The following SRPK1 variants were observed in gnomAD, a reference collection of about 807,000 sequenced individuals.
The protein encoded by SRPK1 is SFRS protein kinase 1.
A neutral mutation model predicts 89.5 loss-of-function variants in SRPK1; 52 were observed. The ratio of observed to expected loss-of-function variants is 0.58; its 90% CI spans 0.46 to 0.73. The LOEUF is 0.73. SRPK1 is among the 30% of genes least tolerant of loss of function. SRPK1 has a pLI of 0.00. For synonymous variants in SRPK1, 255 were observed against 270.2 expected (o/e 0.94, Z 0.55); for missense variants, 603 against 780.6 (o/e 0.77, Z 2.71).
chr6:35,902,931 C>T (rs1346687135), intron 2 of SRPK1, among the ~76,000 whole-genome samples: 1 of 152,108 alleles, frequency 6.6e-6, no homozygotes, highest in Non-Finnish European at 1.5e-5. Context: ...GATCAAATTG[C>T]TAAGTGGAGG....
intron 12 of SRPK1, among the ~76,000 whole-genome samples, chr6:35,863,640 G>T (rs1427089351): frequency 1.3e-5 from 2 of 149,866 alleles, no homozygotes; most frequent in African/African-American, 2.4e-5. Context: ...GAGGTGGAGG[G>T]GGAGGGGAGA....
chr6:35,837,198 C>T (rs77753981), intron 15 of SRPK1, among the ~76,000 whole-genome samples: 1 of 152,054 alleles, frequency 6.6e-6, no homozygotes, highest in East Asian at 1.9e-4. Flanking sequence ...ATACATAAAA[C>T]TAAAAAGTGT....
At chr6:35,920,913 C>G in intron 1 of SRPK1, 131 bp downstream of exon 1, 2 of 1,005,026 alleles carry the variant, frequency 2.0e-6, no homozygotes, top group Non-Finnish European at 2.8e-6. Context: ...TGTGGGGCGG[C>G]GCCACCTCAG....
At chr6:35,909,406 G>T (rs1770915473) in intron 2 of SRPK1, among the ~76,000 whole-genome samples, 1 of 152,202 alleles carries the variant, frequency 6.6e-6, no homozygotes, top group Non-Finnish European at 1.5e-5. Context: ...TATCCCCATT[G>T]TATCTTGGAA....
chr6:35,905,863 C>T (rs538820505), intron 2 of SRPK1, among the ~76,000 whole-genome samples: 2 of 152,224 alleles, frequency 1.3e-5, no homozygotes, highest in Non-Finnish European at 2.9e-5. Flanking sequence ...TTAAGTATAA[C>T]ATGAACTCAT....
intron 6 of SRPK1, among the ~76,000 whole-genome samples, chr6:35,880,746 A>AAAAAAAAAAAAAAGAAAG (rs1770263877): frequency 4.5e-5 from 4 of 89,202 alleles, no homozygotes; most frequent in South Asian, 4.7e-4. Flanking sequence ...AAAAAAAAAA[A>AAAAAAAAAAAAAAGAAAG]AAAAGAAAAG....
intron 12 of SRPK1, among the ~76,000 whole-genome samples, 168 bp from the exon 13 acceptor site, chr6:35,857,536 C>G (rs1035368396): frequency 2.0e-5 from 3 of 152,222 alleles, no homozygotes; most frequent in African/African-American, 7.2e-5. Flanking sequence ...TCCAACAATC[C>G]TTTGCCTTAC....
chr6:35,888,710 G>A (rs914447520), intron 4 of SRPK1, 105 bp downstream of exon 4: 5 of 740,026 alleles, frequency 6.8e-6, no homozygotes, highest in Non-Finnish European at 4.6e-6. Flanking sequence ...TCTGATAAAT[G>A]AATCAGGCTA....
intron 6 of SRPK1, among the ~76,000 whole-genome samples, chr6:35,877,882 A>G (rs1398974526): frequency 6.6e-6 from 1 of 152,164 alleles, no homozygotes; most frequent in African/African-American, 2.4e-5. Context: ...TTCCAGAGAC[A>G]AAAAGTGCAA....
chr6:35,870,619 T>G (rs1770013464), intron 9 of SRPK1, 125 bp from the exon 10 acceptor site: 1 of 879,810 alleles, frequency 1.1e-6, no homozygotes, highest in Admixed American at 2.9e-5. Context: ...ACATAGCACT[T>G]AAGTCTTTCA....
At chr6:35,840,736 C>G (rs1462876445) in intron 14 of SRPK1, among the ~76,000 whole-genome samples, 1 of 152,160 alleles carries the variant, frequency 6.6e-6, no homozygotes, top group Admixed American at 6.5e-5. Flanking sequence ...TACCACGACT[C>G]GTAACAAACT....
chr6:35,888,016 A>C lies in SRPK1; in HGVS notation c.390+8T>G. 6.3e-7 allele frequency: 1 copy of C among 1,588,736 alleles called. No homozygotes were observed. Among genetic ancestry groups the C allele is most frequent in the Non-Finnish European group, 8.6e-7 (1 of 1,167,626 alleles). On this transcript the variant is annotated splice_region_variant and intron_variant, in intron 5 of 15. Transcript: ENST00000373825. Reference sequence around the variant, plus strand: ...TCTTCACATTCATACATATAATCTAATACTCACTGACTTCAGCAACCGGAT... The same window carrying C: ...TCTTCACATTCATACATATAATCTACTACTCACTGACTTCAGCAACCGGAT...
Position 35,890,985 on chromosome 6 carries a change from G to C in SRPK1, c.103C>G (p.Pro35Ala). The C allele has an allele frequency of 6.4e-7, 1 of 1,552,922 alleles. No homozygotes were observed. The change falls in exon 3 of 16, where the codon CCC (proline) becomes GCC (alanine). Residue 35 changes from proline (P) to alanine (A), a missense_variant. By Grantham distance (27) the Pro-to-Ala change is conservative. Transcript: ENST00000373825. ...KSETQHRGSA[P>A]HSESDLPEQE... ...TCTGGTAGATCACTCTCAGAGTGGGGAGCAGAGCCTCGGTGCTGAGTTTCA... is the reference window on the plus strand; with the variant it reads ...TCTGGTAGATCACTCTCAGAGTGGGCAGCAGAGCCTCGGTGCTGAGTTTCA...
At position 35,870,513 on chromosome 6, in the gene SRPK1, C is replaced by G; in HGVS notation, c.778-19G>C. On this transcript the variant is annotated intron_variant, in intron 9 of 15. Coordinates refer to ENST00000373825, the MANE Select transcript of SRPK1 (RefSeq NM_003137.5). ...TGTCAGCCTGGGCGGAGATTACAAA[C>G]AGATAAAGCCTTCAGGTGGCTAATT... is the stretch of plus-strand genomic sequence containing the variant. The G allele has an allele frequency of 6.5e-7, 1 of 1,546,016 alleles. No homozygotes were observed. Among genetic ancestry groups the G allele is most frequent in the Non-Finnish European group, 8.7e-7 (1 of 1,145,164 alleles).
intron 2 of SRPK1, chr6:35,904,797 C>G (rs1770814442): frequency 9.9e-6 from 2 of 201,972 alleles, no homozygotes; most frequent in East Asian, 1.6e-4. Flanking sequence ...AAGAGTGAAA[C>G]TCTGTCACAA....
At chr6:35,907,747 T>C (rs1404010131) in intron 2 of SRPK1, among the ~76,000 whole-genome samples, 1 of 151,336 alleles carries the variant, frequency 6.6e-6, no homozygotes, top group Non-Finnish European at 1.5e-5. Context: ...TAAGATGGAG[T>C]GAACACATGA....
intron 8 of SRPK1, 85 bp from the exon 9 acceptor site, chr6:35,871,044 T>C: frequency 2.6e-6 from 3 of 1,140,068 alleles, no homozygotes; most frequent in Non-Finnish European, 3.8e-6. Flanking sequence ...TCTACCAGAA[T>C]GAAAAGTCTT....
rs911154493 is a variant in SRPK1 at position 35,899,085 on chromosome 6, T to C, written c.75-8072A>G. Among the ~76,000 whole-genome samples, 5 of 152,114 alleles carry C rather than the reference T, an allele frequency of 3.3e-5. No homozygotes were observed. The East Asian group carries it at 5.8e-4, about 18-fold the overall frequency. On this transcript the variant is annotated intron_variant, in intron 2 of 15. Transcript: ENST00000373825. ...TTGAGGCAGGAGAATCGCTTGAACC[T>C]GGGACGTGGAAGTTGTAGTGAGCTG...
chr6:35,896,024 T>C (rs1770620742), intron 2 of SRPK1, among the ~76,000 whole-genome samples: 1 of 152,200 alleles, frequency 6.6e-6, no homozygotes, highest in Non-Finnish European at 1.5e-5. Flanking sequence ...ATATCCTTTA[T>C]TTAGAAAAAC....
Sources: allele counts gnomAD v4.1 joint callset (sites outside exome capture counted in the v4.1 genomes callset), GRCh38; gene constraint gnomAD v4.1.1; transcripts MANE v1.5; gene names NCBI Gene and HGNC (gene_info 2026-07-23, HGNC 2026-07-21).